The following LMF1 variants were observed in gnomAD, a reference collection of about 807,000 sequenced individuals.
LMF1 encodes transmembrane protein 112.
In LMF1, 68 loss-of-function variants were observed where a neutral mutation model predicts 60.6. The observed-to-expected ratio is 1.12, with a 90% CI of 0.92 to 1.37. The LOEUF is 1.37. Ranked by LOEUF, LMF1 falls within the 40% of genes most tolerant of loss-of-function variation. The pLI is 0.00. For synonymous variants in LMF1, 418 were observed against 324.7 expected, an observed-to-expected ratio of 1.29 and a Z score of -3.09; for missense variants, 948 against 767.2, an observed-to-expected ratio of 1.24 and a Z score of -2.78.
intron 1 of LMF1, chr16:980,398 A>T (rs906478977): frequency 2.0e-5 from 3 of 152,614 alleles, no homozygotes; most frequent in African/African-American, 7.2e-5. Flanking sequence ...CGCTGGCAGG[A>T]AGCGGCAGCA....
chr16:884,175 CCTT>C (rs1442285567), intron 5 of LMF1: 17 of 152,354 alleles, frequency 1.1e-4, no homozygotes, highest in African/African-American at 4.1e-4. Context: ...GCCAGTCCAG[CCTT>C]CTTGTCACTC....
chr16:954,200 T>G (rs1368835478), intron 2 of LMF1, 157 bp downstream of exon 2: 4 of 806,460 alleles, frequency 5.0e-6, no homozygotes, highest in Admixed American at 4.0e-5. Flanking sequence ...GCTGGTGCAC[T>G]GGCCGCTCTG....
chr16:975,720 T>C, upstream of LMF1: 1 of 439,314 alleles, frequency 2.3e-6, no homozygotes, highest in Non-Finnish European at 4.6e-6. Context: ...TAAGCCTTCC[T>C]TCCCCACGCT....
chr16:909,011 C>T (rs951137738), intron 4 of LMF1, among the ~76,000 whole-genome samples: 1 of 152,182 alleles, frequency 6.6e-6, no homozygotes, highest in Admixed American at 6.5e-5. Flanking sequence ...TGAGGTCCCT[C>T]TCTGTGGGTC....
chr16:952,862 A>AC, intron 2 of LMF1, among the ~76,000 whole-genome samples: 3 of 134,858 alleles, frequency 2.2e-5, no homozygotes, highest in South Asian at 2.4e-4. Flanking sequence ...CACCCACCCC[A>AC]AACCAGCCTC....
chr16:979,018 G>T (rs1414401461), intron 1 of LMF1: 3 of 453,906 alleles, frequency 6.6e-6, no homozygotes, highest in African/African-American at 6.0e-5. Flanking sequence ...GGTGCTTTTG[G>T]AGTTACCTGC....
chr16:867,377 C>T (rs779420436), intron 10 of LMF1, among the ~76,000 whole-genome samples: 9 of 152,202 alleles, frequency 5.9e-5, no homozygotes, highest in Non-Finnish European at 1.0e-4. Flanking sequence ...GCTTCCGTCA[C>T]GACCTGACGA....
intron 1 of LMF1, among the ~76,000 whole-genome samples, chr16:978,105 ACACACCACACACCATACACACAC>A (rs1353953779): frequency 1.5e-5 from 2 of 137,732 alleles, no homozygotes; most frequent in East Asian, 4.2e-4. Flanking sequence ...ACGGACACAC[ACACACCACACACCATACACACAC>A]CACACCACAC....
chr16:981,347 A>AGAGAGAGAGAGG (rs1302286541), upstream of LMF1: 1 of 94,616 alleles, frequency 1.1e-5, no homozygotes. Context: ...AGAGAGAGAG[A>AGAGAGAGAGAGG]GTGTGTGTGT....
At chr16:869,286 G>A in intron 9 of LMF1, 1 of 673,732 alleles carries the variant, frequency 1.5e-6, no homozygotes, top group Admixed American at 2.1e-5. Context: ...CCCTGGCTGG[G>A]TGCCTTGGAG....
At chr16:867,810 C>T (rs755201251) in intron 10 of LMF1, among the ~76,000 whole-genome samples, 9 of 152,158 alleles carry the variant, frequency 5.9e-5, no homozygotes, top group Non-Finnish European at 1.2e-4. Context: ...GGGGAAGCAG[C>T]CCTGGAAGCA....
chr16:906,577 CT>C (rs1462341350), intron 4 of LMF1, among the ~76,000 whole-genome samples: 1 of 152,112 alleles, frequency 6.6e-6, no homozygotes, highest in African/African-American at 2.4e-5. Context: ...TGCGGGCAAC[CT>C]ATCGTGGGGA....
intron 10 of LMF1, chr16:856,019 C>T (rs1048911035): frequency 1.1e-5 from 5 of 454,188 alleles, no homozygotes; most frequent in South Asian, 4.7e-5. Flanking sequence ...ACCGGGAAGA[C>T]AGAGACCCTC....
At chr16:909,041 C>A (rs111270108) in intron 4 of LMF1, among the ~76,000 whole-genome samples, 24 of 152,270 alleles carry the variant, frequency 1.6e-4, no homozygotes, top group African/African-American at 5.1e-4. Context: ...TGCAGCTGAG[C>A]CTGCAGTGAC....
At chr16:912,233 G>A (rs574389478) in intron 3 of LMF1, among the ~76,000 whole-genome samples, 1 of 151,938 alleles carries the variant, frequency 6.6e-6, no homozygotes, top group Non-Finnish European at 1.5e-5. Flanking sequence ...GACTCGCAGG[G>A]GCAGCATCTA....
intron 6 of LMF1, among the ~76,000 whole-genome samples, chr16:877,416 A>G (rs2070024010): frequency 6.6e-6 from 1 of 152,200 alleles, no homozygotes; most frequent in Non-Finnish European, 1.5e-5. Flanking sequence ...ATGCAGGAGC[A>G]CTGCCAGGTG....
chr16:974,631 G>A (rs117998841), upstream of LMF1, among the ~76,000 whole-genome samples: 1,748 of 152,294 alleles, frequency 0.011, 26 homozygotes, highest in South Asian at 0.098. Flanking sequence ...TGTCCCCGCC[G>A]TCCCGGCCTG....
intron 6 of LMF1, chr16:873,697 G>A (rs2069880144): frequency 6.6e-6 from 1 of 152,118 alleles, no homozygotes; most frequent in Non-Finnish European, 1.5e-5. Flanking sequence ...TGTTCCAGGT[G>A]GGCACTCTGG....
Position 879,601 on chromosome 16 carries a change from A to G in LMF1, c.866T>C (p.Ile289Thr). The G allele has an allele frequency of 1.2e-6, 2 of 1,613,160 alleles. No homozygotes were observed. The highest frequency in any genetic ancestry group is 2.2e-5 in the East Asian group (1 of 44,850). ...FFLFLGRRAC[I>T]IHGVLQILFQ... ...CAGGATCTGCAGCACCCCGTGGATG[A>G]TGCACGCCCGCCGGCCGAGGAAGAG... Residue 289 changes from isoleucine to threonine, a missense_variant, in exon 6 of 11, where the codon ATC (isoleucine) becomes ACC (threonine). Ile to Thr is a moderately conservative substitution (Grantham distance 89, BLOSUM62 -1). Coordinates refer to ENST00000262301, the MANE Select transcript of LMF1 (RefSeq NM_022773.4).
Sources: allele counts gnomAD v4.1 joint callset (sites outside exome capture counted in the v4.1 genomes callset), GRCh38; gene constraint gnomAD v4.1.1; transcripts MANE v1.5; gene names NCBI Gene and HGNC (gene_info 2026-07-23, HGNC 2026-07-21).